The following FAT1 variants were observed in gnomAD, a reference collection of about 807,000 sequenced individuals.
FAT1 encodes protocadherin Fat 1.
In FAT1, 171 loss-of-function variants were observed where a neutral mutation model predicts 329.8. That is an observed-to-expected ratio of 0.52 (90% CI 0.46 to 0.59). The LOEUF is 0.59. Ranked by LOEUF, FAT1 falls within the 20% of genes least tolerant of loss-of-function variation. FAT1 has a pLI of 0.00. For synonymous variants in FAT1, 2,233 were observed against 2,228.6 expected (o/e 1.00, Z -0.06); for missense variants, 5,672 against 5,774.4 (o/e 0.98, Z 0.57).
At chr4:186,669,242 C>T (rs759749968) in intron 2 of FAT1, among the ~76,000 whole-genome samples, 1 of 152,180 alleles carries the variant, frequency 6.6e-6, no homozygotes, top group East Asian at 1.9e-4. Context: ...CCAGGCCTTC[C>T]GCAGGATTCC....
intron 2 of FAT1, among the ~76,000 whole-genome samples, chr4:186,677,870 G>T (rs572925621): frequency 5.3e-4 from 80 of 152,016 alleles, no homozygotes; most frequent in Non-Finnish European, 9.1e-4. Flanking sequence ...GACTATATAA[G>T]AATAGATTGG....
At chr4:186,609,705 A>G (rs1739308170) in intron 15 of FAT1, 96 bp downstream of exon 15, 1 of 816,484 alleles carries the variant, frequency 1.2e-6, no homozygotes, top group East Asian at 2.6e-5. Flanking sequence ...AAATATTTAC[A>G]AAGGCCGCTA....
chr4:186,690,145 A>AT (rs1743686090), intron 2 of FAT1, among the ~76,000 whole-genome samples: 1 of 152,222 alleles, frequency 6.6e-6, no homozygotes, highest in Non-Finnish European at 1.5e-5. Flanking sequence ...AAAAAGAAAC[A>AT]TTTTAAAAAG....
intron 2 of FAT1, among the ~76,000 whole-genome samples, chr4:186,699,155 A>G (rs1276609020): frequency 6.6e-6 from 1 of 152,240 alleles, no homozygotes; most frequent in Non-Finnish European, 1.5e-5. Flanking sequence ...CTATAATTAC[A>G]TGCTGATGAT....
rs1408225595 is a variant in FAT1, at chr4:186,604,499, AG to A, written c.10425del (p.Phe3476SerfsTer6). On this transcript the variant is annotated frameshift_variant, in exon 18 of 27. Coordinates refer to ENST00000441802, the MANE Select transcript of FAT1 (RefSeq NM_005245.4). LOFTEE classifies it high-confidence loss of function. ...TTTCCAGTTACAATAGTAAAGAAGAAGGGTGGACCGTTATGGGAAGAATCCT... is the reference window on the plus strand; with the variant it reads ...TTTCCAGTTACAATAGTAAAGAAGAAGGTGGACCGTTATGGGAAGAATCCT... ...TDEDSSHNGP[P>X]FFFTIVTGND... 6 of 1,613,862 alleles carry A rather than the reference AG, an allele frequency of 3.7e-6. No homozygotes were observed. Among genetic ancestry groups the A allele is most frequent in the South Asian group, 1.1e-5 (1 of 91,086 alleles).
Position 186,628,590 on chromosome 4 carries a change from TG to T in FAT1, c.4496del (p.Pro1499HisfsTer2). 6.2e-7 allele frequency: 1 copy of T among 1,614,030 alleles called. No homozygotes were observed. Among genetic ancestry groups the T allele is most frequent in the Non-Finnish European group, 8.5e-7 (1 of 1,179,900 alleles). On this transcript the variant is annotated frameshift_variant, in exon 8 of 27. Coordinates refer to ENST00000441802, the MANE Select transcript of FAT1 (RefSeq NM_005245.4). LOFTEE classifies it high-confidence loss of function. The part of the protein sequence containing the change: ...LIYTLQSSRD[P>X]LSLKKFRLDP... ...CAAGACGAAATTTCTTGAGACTCAGTGGATCTCTACTGCTCTGCAGAGTGTA... is the reference window on the plus strand; with the variant it reads ...CAAGACGAAATTTCTTGAGACTCAGTGATCTCTACTGCTCTGCAGAGTGTA...
chr4:186,663,205 C>T (rs1742262411), intron 3 of FAT1, 94 bp downstream of exon 3: 2 of 988,754 alleles, frequency 2.0e-6, no homozygotes, highest in Admixed American at 2.7e-5. Context: ...TATCAAGAAA[C>T]AAAAGTATGT....
At chr4:186,713,793 G>A (rs536322542) in intron 1 of FAT1, among the ~76,000 whole-genome samples, 8 of 152,148 alleles carry the variant, frequency 5.3e-5, no homozygotes, top group Admixed American at 1.3e-4. Context: ...CTATAGGTGC[G>A]TCTGTAGATT....
At chr4:186,613,917 G>C (rs1307077774) in intron 12 of FAT1, among the ~76,000 whole-genome samples, 3 of 151,898 alleles carry the variant, frequency 2.0e-5, no homozygotes, top group Non-Finnish European at 4.4e-5. Context: ...AATTTCTGAG[G>C]GTTGTTTTTT....
chr4:186,724,784 G>A (rs982268174), upstream of FAT1, among the ~76,000 whole-genome samples: 21 of 152,238 alleles, frequency 1.4e-4, no homozygotes, highest in Non-Finnish European at 3.1e-4. This position sits in a 1 kb window ranked among gnomAD's most constrained non-coding sequence, Gnocchi z 5.3. Context: ...ACGCAGCCCG[G>A]ACAAGAGGGC....
Position 186,708,166 on chromosome 4 carries a change from A to T in FAT1, c.1662T>A (p.Leu554=), listed in dbSNP as rs531208922. 1 of 1,614,018 alleles carries T rather than the reference A, an allele frequency of 6.2e-7. No homozygotes were observed. Among genetic ancestry groups the T allele is most frequent in the East Asian group, 2.2e-5 (1 of 44,886 alleles). ...GLPYRREVEV[L]ATITLNNLND... is the part of the protein sequence containing the mutation. ...TCAAGTTATTGAGAGTAATTGTAGCAAGGACTTCGACTTCCCGGCGGTACG... is the reference window on the plus strand; with the variant it reads ...TCAAGTTATTGAGAGTAATTGTAGCTAGGACTTCGACTTCCCGGCGGTACG... Residue 554 remains leucine (L), a synonymous_variant, in exon 2 of 27, where the codon CTT becomes CTA. Coordinates refer to ENST00000441802, the MANE Select transcript of FAT1 (RefSeq NM_005245.4).
At chr4:186,685,318 T>C (rs1399859824) in intron 2 of FAT1, among the ~76,000 whole-genome samples, 2 of 152,206 alleles carry the variant, frequency 1.3e-5, no homozygotes, top group Non-Finnish European at 2.9e-5. Flanking sequence ...TACGGAACCG[T>C]AGAGAACGTT....
chr4:186,706,008 C>A (rs1413707407), intron 2 of FAT1, among the ~76,000 whole-genome samples: 1 of 152,156 alleles, frequency 6.6e-6, no homozygotes, highest in African/African-American at 2.4e-5. Flanking sequence ...CAGGTCTTCT[C>A]AGTTCAGCAT....
In FAT1 at chr4:186,589,175, G is replaced by A. The variant is rs558459409; in HGVS notation, c.13184C>T (p.Pro4395Leu). 26 of 1,613,578 alleles carry A rather than the reference G, an allele frequency of 1.6e-5. No individual in the cohort carries two copies. In the Admixed American group the frequency reaches 2.0e-4, roughly 12 times the overall value. The change falls in exon 27 of 27, where the codon CCG becomes CTG. Residue 4395 changes from proline (P) to leucine (L), a missense_variant. Pro to Leu is a moderately conservative substitution (Grantham distance 98). This residue lies in a region of FAT1 where 1,706 missense variants were observed against 1,859.1 expected (regional missense o/e 0.92). Coordinates refer to ENST00000441802, the MANE Select transcript of FAT1 (RefSeq NM_005245.4). ...TSDWMPSVPL[P>L]DIQEFPNYEV... ...ATAGTTGGGGAACTCTTGTATGTCC[G>A]GCAGAGGAACGCTTGGCATCCAATC...
intron 9 of FAT1, among the ~76,000 whole-genome samples, chr4:186,625,517 A>C (rs1016021594): frequency 1.3e-5 from 2 of 152,244 alleles, no homozygotes; most frequent in Non-Finnish European, 2.9e-5. Flanking sequence ...TTATTACATG[A>C]TCTATAATTA....
At position 186,596,879 on chromosome 4, in the gene FAT1, G is replaced by A. The variant is rs2126391416; in HGVS notation, c.12661C>T (p.Leu4221=). Residue 4221 remains leucine (L), a synonymous_variant, in exon 25 of 27, where the codon CTG becomes TTG. Coordinates refer to ENST00000441802, the MANE Select transcript of FAT1 (RefSeq NM_005245.4). This position sits in a 1 kb window ranked among gnomAD's most constrained non-coding sequence, Gnocchi z 4.7. The part of the protein sequence containing the change: ...KHQAEPKDKH[L]GPATAFLQRP... ...TGCAAGAAAGCCGTAGCGGGTCCCA[G>A]GTGCTTGTCTTTAGGTTCAGCCTGA... The A allele has an allele frequency of 6.2e-7, 1 of 1,614,024 alleles. No homozygotes were observed. The highest frequency in any genetic ancestry group is 1.7e-5 in the Admixed American group (1 of 60,028).
chr4:186,664,890 C>G (rs1186463334), intron 2 of FAT1, among the ~76,000 whole-genome samples: 2 of 152,156 alleles, frequency 1.3e-5, no homozygotes, highest in African/African-American at 4.8e-5. Context: ...AACCAATTAC[C>G]AATTTTACCT....
intron 3 of FAT1, among the ~76,000 whole-genome samples, chr4:186,645,515 G>A (rs1025603737): frequency 1.3e-5 from 2 of 149,256 alleles, no homozygotes; most frequent in African/African-American, 4.9e-5. Flanking sequence ...ATTTTTACAG[G>A]CTTAGAGAGA....
chr4:186,592,579 A>AC, intron 26 of FAT1: 2 of 416,732 alleles, frequency 4.8e-6, no homozygotes, highest in Non-Finnish European at 9.6e-6. Context: ...AAAGGACTCA[A>AC]CCCCCTCAAA....
Sources: gnomAD v4.1 joint callset for allele counts (sites outside exome capture counted in the v4.1 genomes callset) on GRCh38, gnomAD v4.1.1 for gene constraint, gnomAD v4.1.1 regional missense constraint, Gnocchi (gnomAD v3.1) non-coding constraint, MANE v1.5 for transcripts, NCBI Gene and HGNC (gene_info 2026-07-23, HGNC 2026-07-21) for gene names.